Variants in IHH observed in about 807,000 individuals in gnomAD.
IHH encodes the protein Indian hedgehog signaling molecule.
IHH carries 9 observed loss-of-function variants against 29.4 expected under a neutral mutation model. The ratio of observed to expected loss-of-function variants is 0.31; its 90% confidence interval spans 0.18 to 0.53. The LOEUF is 0.53. Among genes scored for constraint, IHH ranks in the 20% least tolerant of loss-of-function variants. The pLI is 0.95. For missense variants in IHH, 454 were observed against 578.1 expected, an observed-to-expected ratio of 0.79 and a Z score of 2.20; for synonymous variants, 254 against 252.7, an observed-to-expected ratio of 1.01 and a Z score of -0.05.
Position 219,060,368 on chromosome 2 carries a change from C to T in IHH, c.100G>A (p.Val34Met). 1.2e-6 allele frequency: 2 copies of T among 1,605,066 alleles called. No individual in the cohort carries two copies. The highest frequency in any genetic ancestry group is 1.7e-6 in the Non-Finnish European group (2 of 1,178,708). ...AAWGCGPGRV[V>M]GSRRRPPRKL... ...CGTGGCGGTCGCCGGCGGCTGCCCACCACCCGACCCGGCCCGCAGCCCCAT... is the reference window on the plus strand; with the variant it reads ...CGTGGCGGTCGCCGGCGGCTGCCCATCACCCGACCCGGCCCGCAGCCCCAT... The change falls in exon 1 of 3, where the codon GTG (valine) becomes ATG (methionine). Residue 34 changes from valine to methionine, a missense_variant. By Grantham distance (21) the Val-to-Met change is conservative (BLOSUM62 1). This residue lies in a region of IHH where 113 missense variants were observed against 122.1 expected (regional missense o/e 0.93). Coordinates refer to ENST00000295731, the MANE Select transcript of IHH (RefSeq NM_002181.4). The surrounding 1 kb of genome is among the most constrained non-coding windows in gnomAD (Gnocchi z 8.8).
Position 219,055,908 on chromosome 2 carries a change from C to G in IHH, c.578-43G>C, listed in dbSNP as rs1429903008. 3.2e-6 allele frequency: 5 copies of G among 1,575,668 alleles called. No homozygotes were observed. The African/African-American group carries it at 5.4e-5, about 17-fold the overall frequency. ...ATGAAGGTGTTACTGCTGTGCAGCT[C>G]AGCCTCCTGGTCACAACGACCCTCC... On this transcript the variant is annotated intron_variant, in intron 2 of 2. Coordinates refer to ENST00000295731, the MANE Select transcript of IHH (RefSeq NM_002181.4).
At position 219,055,135 on chromosome 2, in the gene IHH, G is replaced by T; in HGVS notation, c.*72C>A. On this transcript the variant is annotated 3_prime_UTR_variant, in exon 3 of 3. Transcript: ENST00000295731. Reference sequence around the variant, plus strand: ...TCCCCCAGCTCAGGTCCCTTCCAGGGCCAGCTCCCTCCTGGCTGAGAGGCT... The same window carrying T: ...TCCCCCAGCTCAGGTCCCTTCCAGGTCCAGCTCCCTCCTGGCTGAGAGGCT... 6.6e-7 allele frequency: 1 copy of T among 1,504,962 alleles called. No individual in the cohort carries two copies. Among genetic ancestry groups the T allele is most frequent in the Non-Finnish European group, 9.0e-7 (1 of 1,107,272 alleles). The allele number at this position is 1,504,962 out of a possible 1,614,324, so 93.2% of individuals were successfully genotyped here.
In IHH at chr2:219,060,038, G is replaced by A. The variant is rs1047008967; in HGVS notation, c.315+115C>T. ...AGGAGGCAGCGGGGCTTGGCGAGAG[G>A]GGCAGGTGCCAGGGAGCGTGCCAGC... On this transcript the variant is annotated intron_variant, in intron 1 of 2. Transcript: ENST00000295731. The surrounding 1 kb of genome is among the most constrained non-coding windows in gnomAD (Gnocchi z 8.8). The A allele has an allele frequency of 2.9e-5, 27 of 919,492 alleles. No homozygotes were observed. The African/African-American group carries it at 4.3e-4, about 15-fold the overall frequency. 57.0% of individuals were successfully genotyped at this position (919,492 alleles called of 1,614,324 possible).
chr2:219,055,008 C>T lies in IHH; in HGVS notation c.*199G>A, dbSNP rs773408612. 374 of 626,674 alleles carry T rather than the reference C, an allele frequency of 6.0e-4. No individual in the cohort carries two copies. Among genetic ancestry groups the T allele is most frequent in the Non-Finnish European group, 8.2e-4 (292 of 357,506 alleles). 38.8% of individuals were successfully genotyped at this position (626,674 alleles called of 1,614,324 possible). Reference sequence around the variant, plus strand: ...ACCATCCCCTCGCCAGCTCAGCTTGCAGCTCTATGACTACACCACGACGGG... The same window carrying T: ...ACCATCCCCTCGCCAGCTCAGCTTGTAGCTCTATGACTACACCACGACGGG... On this transcript the variant is annotated 3_prime_UTR_variant, in exon 3 of 3. Coordinates refer to ENST00000295731, the MANE Select transcript of IHH (RefSeq NM_002181.4).
At position 219,055,289 on chromosome 2, in the gene IHH, G is replaced by C. The variant is rs1485282541; in HGVS notation, c.1154C>G (p.Pro385Arg). The C allele has an allele frequency of 6.2e-7, 1 of 1,612,262 alleles. No individual in the cohort carries two copies. The highest frequency in any genetic ancestry group is 8.5e-7 in the Non-Finnish European group (1 of 1,179,624). Residue 385 changes from proline to arginine, a missense_variant, in exon 3 of 3, where the codon CCC becomes CGC. Pro to Arg is a moderately radical substitution (Grantham distance 103). Coordinates refer to ENST00000295731, the MANE Select transcript of IHH (RefSeq NM_002181.4). ...ACGCCCCAGGCGGTAGAGCAGCTGG[G>C]GGTACCAATGCACACCCTCCCCCGG... is the stretch of plus-strand genomic sequence containing the variant. ...WTPGEGVHWYPQLLYRLGRLL... is the reference protein window; with the variant it reads ...WTPGEGVHWYRQLLYRLGRLL...
At chr2:219,056,630 C>A (rs1948834896) in intron 2 of IHH, among the ~76,000 whole-genome samples, 1 of 152,106 alleles carries the variant, frequency 6.6e-6, no homozygotes, top group South Asian at 2.1e-4. Context: ...TCAGGAATAT[C>A]AAAATGTGGG....
chr2:219,058,771 C>A (rs752004390), intron 1 of IHH: 22 of 155,132 alleles, frequency 1.4e-4, no homozygotes, highest in Middle Eastern at 5.2e-4. Context: ...AGATTCGAGG[C>A]GCCAACAAGT....
At position 219,060,471 on chromosome 2, in the gene IHH, C is replaced by CG. The variant is rs752233315; in HGVS notation, c.-5dup. On this transcript the variant is annotated 5_prime_UTR_variant, in exon 1 of 3. Transcript: ENST00000295731. The surrounding 1 kb of genome is among the most constrained non-coding windows in gnomAD (Gnocchi z 8.8). ...GCCGGAGCCGGGCGGGAGACATGGC[C>CG]GGGGAGCCCGGGGGAGCGGCGGGCG... 1.4e-5 allele frequency: 21 copies of CG among 1,471,776 alleles called. No individual in the cohort carries two copies. Among genetic ancestry groups the CG allele is most frequent in the Non-Finnish European group, 1.6e-5 (18 of 1,117,180 alleles). The allele number at this position is 1,471,776 out of a possible 1,614,324, so 91.2% of individuals were successfully genotyped here. A position where few individuals can be genotyped will look rare whatever the true frequency, so the allele number is the denominator to read the frequency against.
chr2:219,057,798 C>T lies in IHH; in HGVS notation c.316-104G>A. ...CCTCGCCCAGAACTCTCCCGCCACA[C>T]CCAAGGGAGCTGGAAGCCCGGGAGG... On this transcript the variant is annotated intron_variant, in intron 1 of 2. Coordinates refer to ENST00000295731, the MANE Select transcript of IHH (RefSeq NM_002181.4). The T allele has an allele frequency of 5.4e-6, 8 of 1,483,452 alleles. No individual in the cohort carries two copies. The South Asian group carries it at 5.8e-5, about 11-fold the overall frequency. The allele number at this position is 1,483,452 out of a possible 1,614,324, so 91.9% of individuals were successfully genotyped here.
In IHH at chr2:219,057,841, T is replaced by C. The variant is rs1467885286; in HGVS notation, c.316-147A>G. 1.2e-5 allele frequency: 13 copies of C among 1,105,544 alleles called. No homozygotes were observed. The Admixed American group carries it at 2.6e-4, about 22-fold the overall frequency. 68.5% of individuals were successfully genotyped at this position (1,105,544 alleles called of 1,614,324 possible). On this transcript the variant is annotated intron_variant, in intron 1 of 2. Coordinates refer to ENST00000295731, the MANE Select transcript of IHH (RefSeq NM_002181.4). The stretch of plus-strand genomic sequence containing the variant: ...CCGGGAGGGTGCTGTCCCTCTCCCT[T>C]AGGAACAGAGGGCCCTGAAGTGCTC...
Position 219,057,600 on chromosome 2 carries a change from C to T in IHH, c.410G>A (p.Gly137Asp), listed in dbSNP as rs781056728. The T allele has an allele frequency of 1.2e-6, 2 of 1,614,044 alleles. No individual in the cohort carries two copies. Among genetic ancestry groups the T allele is most frequent in the Non-Finnish European group, 1.7e-6 (2 of 1,180,044 alleles). ...ATGCAGGGACTCCTCTGAGTGGTGG[C>T]CGTCCTCGTCCCAGCCCTCGGTCAC... ...LRVTEGWDED[G>D]HHSEESLHYE... is the part of the protein sequence containing the mutation. The change falls in exon 2 of 3, where the codon GGC (glycine) becomes GAC (aspartate). Residue 137 changes from glycine (G) to aspartate (D), a missense_variant. Around this residue, in one of 3 missense-constraint regions of IHH, gnomAD observed 70 missense variants for 140.1 expected, o/e 0.50. Coordinates refer to ENST00000295731, the MANE Select transcript of IHH (RefSeq NM_002181.4).
Position 219,055,312 on chromosome 2 carries a change from C to A in IHH, c.1131G>T (p.Pro377=). 2 of 1,612,912 alleles carry A rather than the reference C, an allele frequency of 1.2e-6. No individual in the cohort carries two copies. Among genetic ancestry groups the A allele is most frequent in the Non-Finnish European group, 1.7e-6 (2 of 1,179,798 alleles). The change falls in exon 3 of 3, where the codon CCG becomes CCT. Residue 377 remains proline (P), a synonymous_variant. Transcript: ENST00000295731. ...FHSLAWGSWT[P]GEGVHWYPQL... is the part of the protein sequence containing the mutation. ...GGGGGTACCAATGCACACCCTCCCC[C>A]GGAGTCCAGCTGCCCCATGCCAAGC...
intron 2 of IHH, 150 bp downstream of exon 2, chr2:219,057,283 C>A: frequency 1.1e-6 from 1 of 887,694 alleles, no homozygotes. Context: ...CAGTCACGGT[C>A]AGGAGCAGCC....
Position 219,060,062 on chromosome 2 carries a change from G to C in IHH, c.315+91C>G. ...GGGGCAGGTGCCAGGGAGCGTGCCA[G>C]CCAGTCGAGAAAATGTGCCAGGGGG... On this transcript the variant is annotated intron_variant, in intron 1 of 2. Coordinates refer to ENST00000295731, the MANE Select transcript of IHH (RefSeq NM_002181.4). The surrounding 1 kb of genome is among the most constrained non-coding windows in gnomAD (Gnocchi z 8.8). 1 of 1,154,504 alleles carries C rather than the reference G, an allele frequency of 8.7e-7. No homozygotes were observed. Among genetic ancestry groups the C allele is most frequent in the Non-Finnish European group, 1.2e-6 (1 of 800,604 alleles). The allele number at this position is 1,154,504 out of a possible 1,614,324, so 71.5% of individuals were successfully genotyped here.
At position 219,060,443 on chromosome 2, in the gene IHH, G is replaced by C. The variant is rs904571891; in HGVS notation, c.25C>G (p.Arg9Gly). 6.4e-7 allele frequency: 1 copy of C among 1,563,754 alleles called. No homozygotes were observed. The change falls in exon 1 of 3, where the codon CGA (arginine) becomes GGA (glycine). Residue 9 changes from arginine to glycine, a missense_variant. Arg to Gly is a moderately radical substitution (Grantham distance 125). This residue lies in a region of IHH where 113 missense variants were observed against 122.1 expected (regional missense o/e 0.93). Transcript: ENST00000295731. The surrounding 1 kb of genome is among the most constrained non-coding windows in gnomAD (Gnocchi z 8.8). MSPARLRP[R>G]LHFCLVLLLL... ...AACAGGACCAGGCAGAAGTGCAGTC[G>C]GGGCCGGAGCCGGGCGGGAGACATG... is the stretch of plus-strand genomic sequence containing the variant.
In IHH at chr2:219,060,400, G is replaced by T; in HGVS notation, c.68C>A (p.Pro23Gln). 6.3e-7 allele frequency: 1 copy of T among 1,599,482 alleles called. No homozygotes were observed. The change falls in exon 1 of 3, where the codon CCG (proline) becomes CAG (glutamine). Residue 23 changes from proline (P) to glutamine (Q), a missense_variant. Around this residue, in one of 3 missense-constraint regions of IHH, gnomAD observed 113 missense variants for 122.1 expected, o/e 0.93. Transcript: ENST00000295731. This position sits in a 1 kb window ranked among gnomAD's most constrained non-coding sequence, Gnocchi z 8.8. ...CLVLLLLLVV[P>Q]AAWGCGPGRV... Reference sequence around the variant, plus strand: ...ACCCGGCCCGCAGCCCCATGCCGCCGGCACCACCAGCAGCAGCAACAGGAC... The same window carrying T: ...ACCCGGCCCGCAGCCCCATGCCGCCTGCACCACCAGCAGCAGCAACAGGAC...
rs1262944467 is a variant in IHH, at chr2:219,055,185, G to T, written c.*22C>A. On this transcript the variant is annotated 3_prime_UTR_variant, in exon 3 of 3. Coordinates refer to ENST00000295731, the MANE Select transcript of IHH (RefSeq NM_002181.4). ...TTCTGGACCCAGTACAGCAGTTCCA[G>T]GAGGGCAGCGGTGGAGTCCTTTCAG... 13 of 1,552,992 alleles carry T rather than the reference G, an allele frequency of 8.4e-6. No individual in the cohort carries two copies. Among genetic ancestry groups the T allele is most frequent in the African/African-American group, 1.4e-5 (1 of 73,150 alleles).
In IHH at chr2:219,054,965, A is replaced by G. The variant is rs1015290701; in HGVS notation, c.*242T>C. 1 of 571,292 alleles carries G rather than the reference A, an allele frequency of 1.8e-6. No homozygotes were observed. The highest frequency in any genetic ancestry group is 3.1e-5 in the Admixed American group (1 of 32,236). 35.4% of individuals were successfully genotyped at this position (571,292 alleles called of 1,614,324 possible). On this transcript the variant is annotated 3_prime_UTR_variant, in exon 3 of 3. Transcript: ENST00000295731. Reference sequence around the variant, plus strand: ...TCGCCGTGCCAGCCTCAAGGTCTCTAGGAGAGAGGGGTCAACAACCATCCC... The same window carrying G: ...TCGCCGTGCCAGCCTCAAGGTCTCTGGGAGAGAGGGGTCAACAACCATCCC...
In IHH at chr2:219,060,675, TC is replaced by T. The variant is rs1948874128; in HGVS notation, c.-209del. Among the ~76,000 whole-genome samples the T allele has an allele frequency of 6.7e-6, 1 of 149,844 alleles. No homozygotes were observed. Among genetic ancestry groups the T allele is most frequent in the African/African-American group, 2.4e-5 (1 of 40,842 alleles). ...GGCCCGAGCTGGTGGCGGCGCGCTGTCCCCCTCGGCGCCTCGACTCTGAGCT... is the reference window on the plus strand; with the variant it reads ...GGCCCGAGCTGGTGGCGGCGCGCTGTCCCCTCGGCGCCTCGACTCTGAGCT... On this transcript the variant is annotated 5_prime_UTR_variant, in exon 1 of 3. Transcript: ENST00000295731. The surrounding 1 kb of genome is among the most constrained non-coding windows in gnomAD (Gnocchi z 8.8).
Sources: allele counts gnomAD v4.1 joint callset (sites outside exome capture counted in the v4.1 genomes callset), GRCh38; gene constraint gnomAD v4.1.1; regional missense constraint gnomAD v4.1.1; non-coding constraint Gnocchi (gnomAD v3.1); transcripts MANE v1.5; gene names NCBI Gene and HGNC (gene_info 2026-07-23, HGNC 2026-07-21).